Variants in SLC13A1 observed in about 807,000 individuals in gnomAD.
SLC13A1 encodes solute carrier family 13 member 1, also known as Na(+)/sulfate cotransporter.
Under a neutral mutation model 70.0 loss-of-function variants are expected in SLC13A1, and 65 were observed. That is an observed-to-expected ratio of 0.93 (90% CI 0.76 to 1.14). The LOEUF (loss-of-function observed/expected upper bound fraction) is 1.14. Among genes scored for constraint, SLC13A1 ranks in the 50% most tolerant of loss-of-function variants. The probability of loss-of-function intolerance (pLI) is 0.00; values close to 1 mark genes in which losing one functional copy is unlikely to be tolerated. For synonymous variants in SLC13A1, 275 were observed against 250.5 expected (o/e 1.10, Z -0.92); for missense variants, 726 against 717.8 (o/e 1.01, Z -0.13).
In SLC13A1 at chr7:123,171,846, G is replaced by T; in HGVS notation, c.287C>A (p.Ala96Glu). ...CAAATTCCATTTTTCTATGGATGTT[G>T]CTAAACAGATAACTCCAATTAGCAG... Reference protein sequence around the residue: ...HLLLIGVICLATSIEKWNLHK... With the variant: ...HLLLIGVICLETSIEKWNLHK... Residue 96 changes from alanine (A) to glutamate (E), a missense_variant, in exon 3 of 15, where the codon GCA becomes GAA. Ala to Glu is a moderately radical substitution (Grantham distance 107). Coordinates refer to ENST00000194130, the MANE Select transcript of SLC13A1 (RefSeq NM_022444.4). The T allele has an allele frequency of 6.2e-7, 1 of 1,613,344 alleles. No homozygotes were observed. The highest frequency in any genetic ancestry group is 1.3e-5 in the African/African-American group (1 of 75,002).
At chr7:123,155,499 CA>C (rs1430471860) in intron 6 of SLC13A1, among the ~76,000 whole-genome samples, 2 of 151,904 alleles carry the variant, frequency 1.3e-5, no homozygotes, top group Non-Finnish European at 2.9e-5. Flanking sequence ...CTTCTTCTTG[CA>C]TAGTCTCTGT....
Position 123,180,963 on chromosome 7 carries a change from G to A in SLC13A1, c.228+10C>T. 7 of 1,604,198 alleles carry A rather than the reference G, an allele frequency of 4.4e-6. No individual in the cohort carries two copies. Among genetic ancestry groups the A allele is most frequent in the Non-Finnish European group, 5.1e-6 (6 of 1,175,208 alleles). ...GGAAATCAACTTATGACATTGGCAAGAGGACTTACCTTCTTAGAAGGCATG... is the reference window on the plus strand; with the variant it reads ...GGAAATCAACTTATGACATTGGCAAAAGGACTTACCTTCTTAGAAGGCATG... On this transcript the variant is annotated intron_variant, in intron 2 of 14. Coordinates refer to ENST00000194130, the MANE Select transcript of SLC13A1 (RefSeq NM_022444.4).
At chr7:123,148,685 T>C in intron 6 of SLC13A1, 1 of 257,856 alleles carries the variant, frequency 3.9e-6, no homozygotes, top group Non-Finnish European at 7.8e-6. Flanking sequence ...AGTTAAACAG[T>C]GCCCTATTTA....
At chr7:123,189,040 G>A (rs1336855453) in intron 1 of SLC13A1, among the ~76,000 whole-genome samples, 7 of 146,914 alleles carry the variant, frequency 4.8e-5, no homozygotes, top group East Asian at 4.0e-4. Flanking sequence ...GCGTGAACCC[G>A]GGAGGCGGAG....
At chr7:123,175,960 C>T (rs919322691) in intron 2 of SLC13A1, among the ~76,000 whole-genome samples, 2 of 151,952 alleles carry the variant, frequency 1.3e-5, no homozygotes, top group Admixed American at 6.6e-5. Context: ...ATATTCTAGA[C>T]TTTTTTGGCC....
intron 7 of SLC13A1, among the ~76,000 whole-genome samples, chr7:123,144,838 C>T (rs1047678775): frequency 2.0e-5 from 3 of 151,990 alleles, no homozygotes; most frequent in East Asian, 1.9e-4. Flanking sequence ...ACTTTAATAC[C>T]CATGAAATAC....
In SLC13A1 at chr7:123,179,686, CA is replaced by C. The variant is rs1158114280; in HGVS notation, c.228+1286del. On this transcript the variant is annotated intron_variant, in intron 2 of 14. Coordinates refer to ENST00000194130, the MANE Select transcript of SLC13A1 (RefSeq NM_022444.4). ...CCTCTAATGTTTCTATGTCCCTTCCCATAACAGCTTGCTACAGAAATGCCCC... is the reference window on the plus strand; with the variant it reads ...CCTCTAATGTTTCTATGTCCCTTCCCTAACAGCTTGCTACAGAAATGCCCC... Among the ~76,000 whole-genome samples the C allele has an allele frequency of 2.0e-5, 3 of 152,118 alleles. No homozygotes were observed. In the East Asian group the frequency reaches 5.8e-4, roughly 29 times the overall value.
At chr7:123,149,000 G>A (rs531990555) in intron 6 of SLC13A1, among the ~76,000 whole-genome samples, 1 of 151,992 alleles carries the variant, frequency 6.6e-6, no homozygotes, top group South Asian at 2.1e-4. Flanking sequence ...CCATCTGGTG[G>A]GCAATTTTAT....
At chr7:123,146,301 G>A (rs911568452) in intron 7 of SLC13A1, among the ~76,000 whole-genome samples, 1 of 152,132 alleles carries the variant, frequency 6.6e-6, no homozygotes, top group African/African-American at 2.4e-5. Flanking sequence ...AAGGCAGGTG[G>A]ATCACTTGAG....
intron 6 of SLC13A1, among the ~76,000 whole-genome samples, chr7:123,159,076 A>G (rs1794803085): frequency 6.6e-6 from 1 of 152,114 alleles, no homozygotes; most frequent in Non-Finnish European, 1.5e-5. Flanking sequence ...ATGGAGGAAT[A>G]ATAGACTAGA....
chr7:123,182,943 T>C (rs557690144), intron 1 of SLC13A1, among the ~76,000 whole-genome samples: 150 of 152,142 alleles, frequency 9.9e-4, no homozygotes, highest in Non-Finnish European at 1.8e-3. Context: ...TTGACTATAA[T>C]GTCTTATCAC....
At chr7:123,142,410 A>T (rs1794185652) in intron 7 of SLC13A1, among the ~76,000 whole-genome samples, 1 of 152,082 alleles carries the variant, frequency 6.6e-6, no homozygotes, top group African/African-American at 2.4e-5. Context: ...CAGAGACCTT[A>T]AGAACCTGCA....
In SLC13A1 at chr7:123,125,634, A is replaced by C; in HGVS notation, c.1175T>G (p.Ile392Arg). 2 of 1,613,518 alleles carry C rather than the reference A, an allele frequency of 1.2e-6. No homozygotes were observed. Among genetic ancestry groups the C allele is most frequent in the Non-Finnish European group, 1.7e-6 (2 of 1,179,696 alleles). The change falls in exon 11 of 15, where the codon ATA becomes AGA. Residue 392 changes from isoleucine to arginine, a missense_variant. Transcript: ENST00000194130. ...TGGGATAAGAAAGAATAGCAGCCCT[A>C]TAAGTAAAGCAACAGTTGAATCTGT... ...FATDSTVALL[I>R]GLLFFLIPAK... is the part of the protein sequence containing the mutation.
Position 123,114,617 on chromosome 7 carries a change from CTT to C in SLC13A1, c.*899_*900del, listed in dbSNP as rs1201763986. 6.6e-6 allele frequency: 1 copy of C among 151,768 alleles called. No individual in the cohort carries two copies. The highest frequency in any genetic ancestry group is 1.9e-4 in the East Asian group (1 of 5,192). 9.4% of individuals were successfully genotyped at this position (151,768 alleles called of 1,614,324 possible). A position where few individuals can be genotyped will look rare whatever the true frequency, so the allele number is the denominator to read the frequency against. ...ATAATTCATTTAGATTTCTACATCTCTTTATTTTTAACATATGACATTATGTA... is the reference window on the plus strand; with the variant it reads ...ATAATTCATTTAGATTTCTACATCTCTATTTTTAACATATGACATTATGTA... On this transcript the variant is annotated 3_prime_UTR_variant, in exon 15 of 15. Transcript: ENST00000194130.
Position 123,199,835 on chromosome 7 carries a change from C to A in SLC13A1, c.99+13G>T, listed in dbSNP as rs1267996723. 6.3e-7 allele frequency: 1 copy of A among 1,581,478 alleles called. No individual in the cohort carries two copies. On this transcript the variant is annotated intron_variant, in intron 1 of 14. Coordinates refer to ENST00000194130, the MANE Select transcript of SLC13A1 (RefSeq NM_022444.4). ...TCAGGAAATCCACCAGTCTGTTCTC[C>A]AGGTTCACTCACCTTGGTGTGGAGG...
intron 1 of SLC13A1, chr7:123,186,829 T>C (rs1563355342): frequency 2.3e-6 from 1 of 443,346 alleles, no homozygotes; most frequent in Middle Eastern, 3.3e-4. Context: ...AACTGAATGA[T>C]AGCAACAAAA....
chr7:123,124,904 T>C (rs551610496), intron 11 of SLC13A1, among the ~76,000 whole-genome samples: 112 of 152,236 alleles, frequency 7.4e-4, no homozygotes, highest in African/African-American at 2.6e-3. Flanking sequence ...GCTCAAGTGA[T>C]CCTCCTGCGT....
chr7:123,177,886 C>T (rs1015954946), intron 2 of SLC13A1, among the ~76,000 whole-genome samples: 2 of 152,034 alleles, frequency 1.3e-5, no homozygotes, highest in African/African-American at 4.8e-5. Flanking sequence ...CTCCTTTCCT[C>T]TAGAAAGACA....
chr7:123,185,279 A>G (rs966681945), intron 1 of SLC13A1, among the ~76,000 whole-genome samples: 2 of 152,088 alleles, frequency 1.3e-5, no homozygotes, highest in Non-Finnish European at 2.9e-5. Context: ...AAGTTTTATT[A>G]GTATAATGTA....
Sources: gnomAD v4.1 joint callset for allele counts (sites outside exome capture counted in the v4.1 genomes callset) on GRCh38, gnomAD v4.1.1 for gene constraint, MANE v1.5 for transcripts, NCBI Gene and HGNC (gene_info 2026-07-23, HGNC 2026-07-21) for gene names.